SLC16A5: variants seen among roughly 807,000 people sequenced by gnomAD.
SLC16A5 encodes monocarboxylate transporter 6.
SLC16A5 carries 29 observed loss-of-function variants against 33.2 expected under a neutral mutation model. That is an observed-to-expected ratio of 0.87 (90% CI 0.65 to 1.19). The LOEUF is 1.19. Among genes scored for constraint, SLC16A5 ranks in the 50% most tolerant of loss-of-function variants. The probability of loss-of-function intolerance (pLI) is 0.00; values close to 1 mark genes in which losing one functional copy is unlikely to be tolerated. For missense variants in SLC16A5, 606 were observed against 678.2 expected, an observed-to-expected ratio of 0.89 and a Z score of 1.18; for synonymous variants, 248 against 284.1, an observed-to-expected ratio of 0.87 and a Z score of 1.28.
intron 5 of SLC16A5, among the ~76,000 whole-genome samples, chr17:75,103,090 T>C (rs1296731572): frequency 6.6e-6 from 1 of 152,084 alleles, no homozygotes; most frequent in Non-Finnish European, 1.5e-5. Context: ...GGGGTTTCAC[T>C]GTATTGGCCA....
rs1598146885 is a variant in SLC16A5 at position 75,093,633 on chromosome 17, G to A, written c.-4G>A. ...TGAGGCCGTGGCAGCGTCGGCAGCA[G>A]AGGATGCCCCAGGCCCTGGAGCGTG... On this transcript the variant is annotated 5_prime_UTR_variant, in exon 3 of 7. Coordinates refer to ENST00000329783, the MANE Select transcript of SLC16A5 (RefSeq NM_004695.4). 1 of 1,607,762 alleles carries A rather than the reference G, an allele frequency of 6.2e-7. No individual in the cohort carries two copies. Among genetic ancestry groups the A allele is most frequent in the Non-Finnish European group, 8.5e-7 (1 of 1,178,396 alleles).
chr17:75,105,349 CGG>C (rs1450912887), intron 6 of SLC16A5: 31 of 985,266 alleles, frequency 3.1e-5, no homozygotes, highest in Non-Finnish European at 3.5e-5. Context: ...ATTTGACTGA[CGG>C]GAGAGGAAGG....
chr17:75,100,087 G>T lies in SLC16A5; in HGVS notation c.424G>T (p.Ala142Ser). 1 of 1,613,916 alleles carries T rather than the reference G, an allele frequency of 6.2e-7. No homozygotes were observed. The highest frequency in any genetic ancestry group is 1.1e-5 in the South Asian group (1 of 91,062). ...YFVRRRVLANALASMGVSLGI... is the reference protein window; with the variant it reads ...YFVRRRVLANSLASMGVSLGI... ...TGTCCGCCGGCGGGTGCTGGCCAAC[G>T]CGCTGGCCTCGATGGGCGTCTCCCT... Residue 142 changes from alanine to serine, a missense_variant, in exon 5 of 7, where the codon GCG becomes TCG. Physicochemically the swap from Ala to Ser is moderately conservative, Grantham distance 99 (BLOSUM62 1). Coordinates refer to ENST00000329783, the MANE Select transcript of SLC16A5 (RefSeq NM_004695.4).
At chr17:75,098,323 G>A (rs1213680600) in intron 4 of SLC16A5, 142 bp downstream of exon 4, 1 of 1,085,852 alleles carries the variant, frequency 9.2e-7, no homozygotes, top group East Asian at 2.6e-5. Context: ...AGCACTTTGG[G>A]AGGCTGAGGC....
Position 75,097,961 on chromosome 17 carries a change from T to C in SLC16A5, c.200-77T>C, listed in dbSNP as rs1303008059. On this transcript the variant is annotated intron_variant, in intron 3 of 6. Transcript: ENST00000329783. ...CCACCTGGCTAGTTCCAGCTGGAAC[T>C]GCCCTCTCCAGCCACTCTCCTCCTC... The C allele has an allele frequency of 3.4e-6, 5 of 1,489,880 alleles. No individual in the cohort carries two copies. In the Admixed American group the frequency reaches 9.4e-5, roughly 28 times the overall value. The allele number at this position is 1,489,880 out of a possible 1,614,324, so 92.3% of individuals were successfully genotyped here.
At chr17:75,096,280 GC>G (rs984683947) in intron 3 of SLC16A5, among the ~76,000 whole-genome samples, 1 of 151,542 alleles carries the variant, frequency 6.6e-6, no homozygotes, top group Non-Finnish European at 1.5e-5. Flanking sequence ...CCTGTGTCCC[GC>G]CCGGCCACAC....
intron 3 of SLC16A5, 107 bp downstream of exon 3, chr17:75,093,942 C>A: frequency 6.8e-7 from 1 of 1,463,558 alleles, no homozygotes; most frequent in Non-Finnish European, 9.1e-7. Context: ...GGCTTTGCCT[C>A]CTGGGTGAAT....
rs757384392 is a variant in SLC16A5 at position 75,102,737 on chromosome 17, C to CT, written c.1154-1220dup. On this transcript the variant is annotated intron_variant, in intron 5 of 6. Transcript: ENST00000329783. ...CCAGTTTCCAAGGGAATTCTTTTTTCTTTTTTTTTTTTTGAGGCAGAGTCT... is the reference window on the plus strand; with the variant it reads ...CCAGTTTCCAAGGGAATTCTTTTTTCTTTTTTTTTTTTTTGAGGCAGAGTCT... Among the ~76,000 whole-genome samples the CT allele has an allele frequency of 4.2e-3, 618 of 145,658 alleles. 2 individuals carry two copies. Among genetic ancestry groups the CT allele is most frequent in the Middle Eastern group, 0.014 (4 of 280 alleles).
At chr17:75,106,509 T>G (rs2073864433), downstream of SLC16A5, among the ~76,000 whole-genome samples, 1 of 150,604 alleles carries the variant, frequency 6.6e-6, no homozygotes. Context: ...TCCCAGCTAC[T>G]CGGGAGGTTG....
At chr17:75,105,719 A>C in intron 6 of SLC16A5, 161 bp from the exon 7 acceptor site, 1 of 985,470 alleles carries the variant, frequency 1.0e-6, no homozygotes, top group Non-Finnish European at 1.2e-6. Context: ...AACTCTGTGA[A>C]CTAATGAAGC....
chr17:75,095,254 G>C (rs2073701898), intron 3 of SLC16A5, among the ~76,000 whole-genome samples: 1 of 152,202 alleles, frequency 6.6e-6, no homozygotes, highest in African/African-American at 2.4e-5. Flanking sequence ...GGGGCAGGGA[G>C]TGGGAATCCC....
chr17:75,099,536 G>A (rs1338965996), intron 4 of SLC16A5, among the ~76,000 whole-genome samples: 1 of 152,114 alleles, frequency 6.6e-6, no homozygotes, highest in Non-Finnish European at 1.5e-5. Flanking sequence ...CCACTTCCCG[G>A]GTTCAAGTGA....
chr17:75,088,776 C>T (rs891195765), intron 1 of SLC16A5, among the ~76,000 whole-genome samples: 3 of 152,170 alleles, frequency 2.0e-5, no homozygotes, highest in South Asian at 4.1e-4. Flanking sequence ...GCCCCTAACA[C>T]GAGACCCCTG....
At chr17:75,105,107 G>A (rs1337786843) in intron 6 of SLC16A5, 1 of 985,324 alleles carries the variant, frequency 1.0e-6, no homozygotes, top group Non-Finnish European at 1.2e-6. Flanking sequence ...AGGTCATTGG[G>A]CCTCGCACTG....
rs150984642 is a variant in SLC16A5, at chr17:75,098,077, G to T, written c.239G>T (p.Arg80Leu). The T allele has an allele frequency of 6.2e-7, 1 of 1,608,908 alleles. No homozygotes were observed. The highest frequency in any genetic ancestry group is 1.7e-5 in the Admixed American group (1 of 59,096). ...ATCCTGGTGGGACGCTTCGGCTGCC[G>T]AGTGACCGTGATGCTGGGGGGCGTG... ...CSILVGRFGC[R>L]VTVMLGGVLA... Residue 80 changes from arginine (R) to leucine (L), a missense_variant, in exon 4 of 7, where the codon CGA (arginine) becomes CTA (leucine). Arg to Leu is a moderately radical substitution (Grantham distance 102). Transcript: ENST00000329783.
chr17:75,105,238 G>T, intron 6 of SLC16A5: 1 of 985,436 alleles, frequency 1.0e-6, no homozygotes, highest in South Asian at 4.7e-5. Flanking sequence ...GGGCCCCCCT[G>T]CAGTCTCAGC....
At position 75,106,038 on chromosome 17, in the gene SLC16A5, C is replaced by T. The variant is rs751464953; in HGVS notation, c.*5C>T. 2.1e-6 allele frequency: 3 copies of T among 1,450,898 alleles called. No individual in the cohort carries two copies. Among genetic ancestry groups the T allele is most frequent in the Non-Finnish European group, 2.8e-6 (3 of 1,054,604 alleles). 89.9% of individuals were successfully genotyped at this position (1,450,898 alleles called of 1,614,324 possible). ...GGCTGGAATAGCCCTACCTGAGTGC[C>T]CTGTTTGACTCCGCCACTATCTGCC... On this transcript the variant is annotated 3_prime_UTR_variant, in exon 7 of 7. Transcript: ENST00000329783.
chr17:75,107,254 C>G (rs1250667230), downstream of SLC16A5, among the ~76,000 whole-genome samples: 3 of 151,910 alleles, frequency 2.0e-5, no homozygotes, highest in Non-Finnish European at 4.4e-5. Context: ...AAGCTGTGAT[C>G]ACACCACTGC....
At chr17:75,089,109 C>G (rs1408113046) in intron 1 of SLC16A5, 42 bp from the exon 2 acceptor site, 1 of 152,388 alleles carries the variant, frequency 6.6e-6, no homozygotes, top group Non-Finnish European at 1.5e-5. Flanking sequence ...CCTCCTTGCC[C>G]AAAGCACACA....
Sources: gnomAD v4.1 joint callset for allele counts (sites outside exome capture counted in the v4.1 genomes callset) on GRCh38, gnomAD v4.1.1 for gene constraint, MANE v1.5 for transcripts, NCBI Gene and HGNC (gene_info 2026-07-23, HGNC 2026-07-21) for gene names.